The following OR2C3 variants were observed in gnomAD, a reference collection of about 807,000 sequenced individuals.
OR2C3 encodes olfactory receptor 2C3.
For synonymous variants in OR2C3, 178 were observed against 163.4 expected (o/e 1.09, Z -0.68); for missense variants, 425 against 401.5 (o/e 1.06, Z -0.50).
chr1:247,532,637 TC>T, intron 2 of OR2C3, 97 bp from the exon 3 acceptor site: 1 of 959,732 alleles, frequency 1.0e-6, no homozygotes, highest in East Asian at 2.6e-5. Context: ...TTTATGTTAT[TC>T]TTTTTTAGAG....
At position 247,532,055 on chromosome 1, in the gene OR2C3, C is replaced by A; in HGVS notation, c.457G>T (p.Gly153Cys). ...LGLALASWLG[G>C]LTTSMVGSTL... ...GAGCCCACCATGCTGGTGGTCAGAC[C>A]CCCCAGCCAGGAGGCCAAAGCTAGC... The change falls in exon 3 of 3, where the codon GGT (glycine) becomes TGT (cysteine). Residue 153 changes from glycine to cysteine, a missense_variant. Coordinates refer to ENST00000641802, the MANE Select transcript of OR2C3 (RefSeq NM_198074.6). The A allele has an allele frequency of 1.2e-6, 2 of 1,613,868 alleles. No individual in the cohort carries two copies. The highest frequency in any genetic ancestry group is 1.3e-5 in the African/African-American group (1 of 74,964).
In OR2C3 at chr1:247,531,196, C is replaced by T. The variant is rs1666935515; in HGVS notation, c.*353G>A. 1 of 259,318 alleles carries T rather than the reference C, an allele frequency of 3.9e-6. No homozygotes were observed. Among genetic ancestry groups the T allele is most frequent in the Non-Finnish European group, 7.5e-6 (1 of 134,146 alleles). The allele number at this position is 259,318 out of a possible 1,614,324, so 16.1% of individuals were successfully genotyped here. A position where few individuals can be genotyped will look rare whatever the true frequency, so the allele number is the denominator to read the frequency against. On this transcript the variant is annotated 3_prime_UTR_variant, in exon 3 of 3. Coordinates refer to ENST00000641802, the MANE Select transcript of OR2C3 (RefSeq NM_198074.6). Reference sequence around the variant, plus strand: ...GAACAGGCCGGCTCCGGTCTCCCCGCGCGCTCTCAGCGTCGTCAAAGTTTA... The same window carrying T: ...GAACAGGCCGGCTCCGGTCTCCCCGTGCGCTCTCAGCGTCGTCAAAGTTTA...
Position 247,531,440 on chromosome 1 carries a change from T to C in OR2C3, c.*109A>G. 9.1e-7 allele frequency: 1 copy of C among 1,096,896 alleles called. No individual in the cohort carries two copies. Among genetic ancestry groups the C allele is most frequent in the Non-Finnish European group, 1.3e-6 (1 of 756,098 alleles). 67.9% of individuals were successfully genotyped at this position (1,096,896 alleles called of 1,614,324 possible). ...CACTCCTTTCAGATTTCCATCTACC[T>C]TGAGCTCAAACAATATTAGAAGAAA... On this transcript the variant is annotated 3_prime_UTR_variant, in exon 3 of 3. Coordinates refer to ENST00000641802, the MANE Select transcript of OR2C3 (RefSeq NM_198074.6).
chr1:247,534,556 C>G (rs970691932), intron 1 of OR2C3, among the ~76,000 whole-genome samples: 1 of 152,182 alleles, frequency 6.6e-6, no homozygotes, highest in Admixed American at 6.5e-5. Context: ...AGAAACTGGA[C>G]AATTTCAGTG....
In OR2C3 at chr1:247,532,311, G is replaced by C. The variant is rs758421798; in HGVS notation, c.201C>G (p.Leu67=). 7.4e-6 allele frequency: 12 copies of C among 1,614,076 alleles called. No homozygotes were observed. Among genetic ancestry groups the C allele is most frequent in the Non-Finnish European group, 8.5e-6 (10 of 1,180,040 alleles). ...HTPMYFFLAN[L]PFLDMSFTTS... ...TGGTGAAGCTCATGTCCAGGAAGGG[G>C]AGGTTGGCAAGAAAGAAGTACATAG... Residue 67 remains leucine, a synonymous_variant, in exon 3 of 3, where the codon CTC becomes CTG. Coordinates refer to ENST00000641802, the MANE Select transcript of OR2C3 (RefSeq NM_198074.6).
chr1:247,535,076 C>G lies in OR2C3; in HGVS notation c.-402+1092G>C, dbSNP rs150368912. On this transcript the variant is annotated intron_variant, in intron 1 of 2. Transcript: ENST00000641802. ...CCTGTATTCCTAGCACTTTGGGAGG[C>G]TGAAGTGGGGGGAATCACTTGAGCT... Among the ~76,000 whole-genome samples, 478 of 152,196 alleles carry G rather than the reference C, an allele frequency of 3.1e-3. 2 individuals are homozygous for G. The highest frequency in any genetic ancestry group is 0.01 in the African/African-American group (434 of 41,516).
Position 247,527,243 on chromosome 1 carries a change from G to A in OR2C3, c.*4306C>T, listed in dbSNP as rs533029461. 2.7e-6 allele frequency: 1 copy of A among 375,888 alleles called. No individual in the cohort carries two copies. Among genetic ancestry groups the A allele is most frequent in the Non-Finnish European group, 5.2e-6 (1 of 191,022 alleles). 23.3% of individuals were successfully genotyped at this position (375,888 alleles called of 1,614,324 possible). ...CAAACAGGGGCTGATGGATGGTCAG[G>A]GCAAAGCACAGTGCTGTCCTCATGG... On this transcript the variant is annotated 3_prime_UTR_variant, in exon 3 of 3. Transcript: ENST00000641802. The surrounding 1 kb of genome is among the most constrained non-coding windows in gnomAD (Gnocchi z 4.6).
At position 247,524,832 on chromosome 1, in the gene OR2C3, A is replaced by C. The variant is rs572437623; in HGVS notation, c.*6717T>G. On this transcript the variant is annotated 3_prime_UTR_variant, in exon 3 of 3. Transcript: ENST00000641802. Reference sequence around the variant, plus strand: ...GACAAAGATGTGTAGAATCATGTCAACTACCGCTACAAATCAGTAAGCAAA... The same window carrying C: ...GACAAAGATGTGTAGAATCATGTCACCTACCGCTACAAATCAGTAAGCAAA... The C allele has an allele frequency of 6.6e-6, 1 of 152,210 alleles. No homozygotes were observed. The highest frequency in any genetic ancestry group is 1.5e-5 in the Non-Finnish European group (1 of 68,030). 9.4% of individuals were successfully genotyped at this position (152,210 alleles called of 1,614,324 possible). A position where few individuals can be genotyped will look rare whatever the true frequency, so the allele number is the denominator to read the frequency against.
rs542176003 is a variant in OR2C3, at chr1:247,527,090, C to T, written c.*4459G>A. 4.4e-6 allele frequency: 2 copies of T among 456,376 alleles called. No homozygotes were observed. The highest frequency in any genetic ancestry group is 1.4e-4 in the East Asian group (2 of 14,380). The allele number at this position is 456,376 out of a possible 1,614,324, so 28.3% of individuals were successfully genotyped here. A position where few individuals can be genotyped will look rare whatever the true frequency, so the allele number is the denominator to read the frequency against. ...CATTTCAAGTGTATTTCCTTGGGTT[C>T]TGGAGAGGATGTCTTCATTTTCTGT... On this transcript the variant is annotated 3_prime_UTR_variant, in exon 3 of 3. Transcript: ENST00000641802. This position sits in a 1 kb window ranked among gnomAD's most constrained non-coding sequence, Gnocchi z 4.6.
chr1:247,532,821 G>A (rs1667047232), intron 2 of OR2C3, among the ~76,000 whole-genome samples: 1 of 151,638 alleles, frequency 6.6e-6, no homozygotes. Flanking sequence ...TACGTGGATG[G>A]CATTGCATTA....
chr1:247,530,671 A>G lies in OR2C3; in HGVS notation c.*878T>C, dbSNP rs1297502258. On this transcript the variant is annotated 3_prime_UTR_variant, in exon 3 of 3. Coordinates refer to ENST00000641802, the MANE Select transcript of OR2C3 (RefSeq NM_198074.6). ...AAAAAAGCTTAGCGTTGTTACCTCT[A>G]TATACAGAAGTAATAAAATGCACAC... is the stretch of plus-strand genomic sequence containing the variant. 6.6e-6 allele frequency: 1 copy of G among 152,356 alleles called. No homozygotes were observed. The highest frequency in any genetic ancestry group is 2.4e-5 in the African/African-American group (1 of 41,470). The allele number at this position is 152,356 out of a possible 1,614,324, so 9.4% of individuals were successfully genotyped here. A position where few individuals can be genotyped will look rare whatever the true frequency, so the allele number is the denominator to read the frequency against.
chr1:247,528,117 C>A lies in OR2C3; in HGVS notation c.*3432G>T, dbSNP rs1350452153. 1 of 152,120 alleles carries A rather than the reference C, an allele frequency of 6.6e-6. No individual in the cohort carries two copies. Among genetic ancestry groups the A allele is most frequent in the Non-Finnish European group, 1.5e-5 (1 of 68,034 alleles). The allele number at this position is 152,120 out of a possible 1,614,324, so 9.4% of individuals were successfully genotyped here. On this transcript the variant is annotated 3_prime_UTR_variant, in exon 3 of 3. Transcript: ENST00000641802. ...TGTCAGTAACTTGATTTCCTACCTT[C>A]CTGACTCATAATAATGTTATCATGT...
chr1:247,526,503 CT>C lies in OR2C3; in HGVS notation c.*5045del, dbSNP rs1323586475. ...GACTGGTGCTCCATCCTTCTGGAAA[CT>C]GGGAGCTTTGTGAAATGCATCTTAC... On this transcript the variant is annotated 3_prime_UTR_variant, in exon 3 of 3. Transcript: ENST00000641802. This position sits in a 1 kb window ranked among gnomAD's most constrained non-coding sequence, Gnocchi z 4.8. 6.2e-6 allele frequency: 1 copy of C among 161,092 alleles called. No individual in the cohort carries two copies. The highest frequency in any genetic ancestry group is 2.4e-5 in the African/African-American group (1 of 41,522). The allele number at this position is 161,092 out of a possible 1,614,324, so 10.0% of individuals were successfully genotyped here.
rs1666795292 is a variant in OR2C3, at chr1:247,528,959, A to G, written c.*2590T>C. On this transcript the variant is annotated 3_prime_UTR_variant, in exon 3 of 3. Coordinates refer to ENST00000641802, the MANE Select transcript of OR2C3 (RefSeq NM_198074.6). ...GACTCATCTAGTAGGTAATCAGTCA[A>G]TCTCTTTTGCCAGCAGGCTTGCTCA... The G allele has an allele frequency of 6.6e-6, 1 of 152,156 alleles. No homozygotes were observed. Among genetic ancestry groups the G allele is most frequent in the South Asian group, 2.1e-4 (1 of 4,812 alleles). The allele number at this position is 152,156 out of a possible 1,614,324, so 9.4% of individuals were successfully genotyped here. A position where few individuals can be genotyped will look rare whatever the true frequency, so the allele number is the denominator to read the frequency against.
At position 247,531,482 on chromosome 1, in the gene OR2C3, C is replaced by A; in HGVS notation, c.*67G>T. On this transcript the variant is annotated 3_prime_UTR_variant, in exon 3 of 3. Coordinates refer to ENST00000641802, the MANE Select transcript of OR2C3 (RefSeq NM_198074.6). The stretch of plus-strand genomic sequence containing the variant: ...TAGAAGAAAAACGACATCCCAAGTG[C>A]CCTGTCTTCCAAGGTCACTTTGCTC... 1 of 1,506,814 alleles carries A rather than the reference C, an allele frequency of 6.6e-7. No individual in the cohort carries two copies. Among genetic ancestry groups the A allele is most frequent in the Non-Finnish European group, 9.0e-7 (1 of 1,110,688 alleles). The allele number at this position is 1,506,814 out of a possible 1,614,324, so 93.3% of individuals were successfully genotyped here. A position where few individuals can be genotyped will look rare whatever the true frequency, so the allele number is the denominator to read the frequency against.
At chr1:247,533,023 T>A (rs973968196) in intron 2 of OR2C3, among the ~76,000 whole-genome samples, 2 of 152,186 alleles carry the variant, frequency 1.3e-5, no homozygotes, top group African/African-American at 4.8e-5. Context: ...TGGTCATTCA[T>A]GTGATGAACC....
In OR2C3 at chr1:247,527,286, T is replaced by TC; in HGVS notation, c.*4262_*4263insG. 1 of 318,486 alleles carries TC rather than the reference T, an allele frequency of 3.1e-6. No homozygotes were observed. The highest frequency in any genetic ancestry group is 6.2e-6 in the Non-Finnish European group (1 of 161,910). 19.7% of individuals were successfully genotyped at this position (318,486 alleles called of 1,614,324 possible). A position where few individuals can be genotyped will look rare whatever the true frequency, so the allele number is the denominator to read the frequency against. The stretch of plus-strand genomic sequence containing the variant: ...CCTCATGGTTCTGGGAGGGTCTGCG[T>TC]TGTCTGCTATCCCCACATAAACTGA... On this transcript the variant is annotated 3_prime_UTR_variant, in exon 3 of 3. Transcript: ENST00000641802. The surrounding 1 kb of genome is among the most constrained non-coding windows in gnomAD (Gnocchi z 4.6).
intron 2 of OR2C3, among the ~76,000 whole-genome samples, chr1:247,532,953 A>G (rs1440443371): frequency 6.6e-6 from 1 of 152,176 alleles, no homozygotes; most frequent in African/African-American, 2.4e-5. Flanking sequence ...GAAATATTAT[A>G]GTAACAACAT....
chr1:247,534,454 G>A (rs1255035715), intron 1 of OR2C3, among the ~76,000 whole-genome samples: 7 of 152,294 alleles, frequency 4.6e-5, no homozygotes. Flanking sequence ...TCTTGGAACT[G>A]CCAGAGTCAT....
Sources: allele counts gnomAD v4.1 joint callset (sites outside exome capture counted in the v4.1 genomes callset), GRCh38; gene constraint gnomAD v4.1.1; non-coding constraint Gnocchi (gnomAD v3.1); transcripts MANE v1.5; gene names NCBI Gene and HGNC (gene_info 2026-07-23, HGNC 2026-07-21).